The following CMTM6 variants were observed in gnomAD, a reference collection of about 807,000 sequenced individuals.
The protein encoded by CMTM6 is CKLF-like MARVEL transmembrane domain-containing protein 6.
CMTM6 carries 5 observed loss-of-function variants against 13.6 expected under a neutral mutation model. The observed-to-expected ratio is 0.37, with a 90% confidence interval of 0.19 to 0.77. The LOEUF is 0.77. CMTM6 is among the 30% of genes least tolerant of loss of function. CMTM6 has a pLI of 0.50. For synonymous variants in CMTM6, 99 were observed against 84.5 expected (o/e 1.17, Z -0.94); for missense variants, 196 against 218.6 (o/e 0.90, Z 0.65).
At chr3:32,485,819 TATC>T (rs1697198565) in intron 3 of CMTM6, among the ~76,000 whole-genome samples, 1 of 152,262 alleles carries the variant, frequency 6.6e-6, no homozygotes, top group Admixed American at 6.5e-5. Flanking sequence ...TTGAGTTTTC[TATC>T]ATAAAATGCA....
intron 3 of CMTM6, among the ~76,000 whole-genome samples, chr3:32,485,783 T>C (rs1697198014): frequency 6.6e-6 from 1 of 152,234 alleles, no homozygotes; most frequent in Admixed American, 6.5e-5. Flanking sequence ...TAGATAAATA[T>C]AGCCATGCAA....
intron 1 of CMTM6, among the ~76,000 whole-genome samples, chr3:32,501,350 G>A (rs1697343335): frequency 1.3e-5 from 2 of 152,160 alleles, no homozygotes; most frequent in Non-Finnish European, 2.9e-5. Context: ...AAGGAAGAAG[G>A]TAGAAGGAAC....
chr3:32,490,242 C>CA (rs567802958), intron 2 of CMTM6, among the ~76,000 whole-genome samples: 263 of 114,492 alleles, frequency 2.3e-3, no homozygotes, highest in Admixed American at 2.9e-3. Flanking sequence ...CAAGACTTCT[C>CA]AAAAAAAAAA....
At chr3:32,501,849 T>C (rs1431345138) in intron 1 of CMTM6, among the ~76,000 whole-genome samples, 2 of 152,218 alleles carry the variant, frequency 1.3e-5, no homozygotes, top group Non-Finnish European at 2.9e-5. Flanking sequence ...GAACAGTACA[T>C]AGGAGCCAAC....
intron 2 of CMTM6, chr3:32,488,310 C>T (rs1697222305): frequency 4.9e-6 from 1 of 203,974 alleles, no homozygotes; most frequent in Non-Finnish European, 9.6e-6. Context: ...GGAGAGGTGG[C>T]ATGAGCCTGT....
chr3:32,485,099 T>C (rs1697191606), intron 3 of CMTM6, among the ~76,000 whole-genome samples: 1 of 151,870 alleles, frequency 6.6e-6, no homozygotes, highest in East Asian at 1.9e-4. Flanking sequence ...TTGATGGCAT[T>C]TATCCCCTTA....
intron 1 of CMTM6, among the ~76,000 whole-genome samples, chr3:32,499,328 T>C (rs1395536474): frequency 6.6e-6 from 1 of 152,176 alleles, no homozygotes; most frequent in Admixed American, 6.5e-5. Flanking sequence ...AGGGTAACAT[T>C]ATTTATAATG....
rs1262413875 is a variant in CMTM6, at chr3:32,495,959, G to C, written c.139-4073C>G. ...TAATCCCAGCACTCTGGGAGGCCAA[G>C]GCGGGCAGATCACTTGAGGCCTTCT... On this transcript the variant is annotated intron_variant, in intron 1 of 3. Coordinates refer to ENST00000205636, the MANE Select transcript of CMTM6 (RefSeq NM_017801.3). Among the ~76,000 whole-genome samples the C allele has an allele frequency of 2.0e-5, 3 of 152,180 alleles. No individual in the cohort carries two copies. The South Asian group carries it at 6.2e-4, about 32-fold the overall frequency.
chr3:32,488,214 T>TA (rs1209496676), intron 2 of CMTM6, 178 bp from the exon 3 acceptor site: 23 of 537,840 alleles, frequency 4.3e-5, no homozygotes, highest in East Asian at 6.0e-5. Flanking sequence ...AAATACCCTG[T>TA]AAAAAAACAG....
At chr3:32,485,266 A>G (rs926626797) in intron 3 of CMTM6, among the ~76,000 whole-genome samples, 2 of 152,054 alleles carry the variant, frequency 1.3e-5, no homozygotes, top group African/African-American at 4.8e-5. Flanking sequence ...ATTTAAGTCT[A>G]TAAAACTTTT....
intron 3 of CMTM6, 46 bp from the exon 4 acceptor site, chr3:32,484,143 A>C (rs1481812022): frequency 7.1e-7 from 1 of 1,404,296 alleles, no homozygotes; most frequent in South Asian, 1.6e-5. Context: ...TTTGGAATAT[A>C]ATCTTACATT....
At chr3:32,498,990 T>C (rs1442803449) in intron 1 of CMTM6, among the ~76,000 whole-genome samples, 1 of 152,226 alleles carries the variant, frequency 6.6e-6, no homozygotes, top group Non-Finnish European at 1.5e-5. Context: ...TAAAAAGAAC[T>C]TTTAAATGTT....
intron 1 of CMTM6, among the ~76,000 whole-genome samples, chr3:32,501,296 C>T (rs1355063489): frequency 3.3e-5 from 5 of 151,414 alleles, no homozygotes; most frequent in African/African-American, 1.2e-4. Flanking sequence ...ACAGCTAATA[C>T]CTAAAAATCA....
rs762726629 is a variant in CMTM6 at position 32,502,764 on chromosome 3, G to C, written c.-19C>G. Reference sequence around the variant, plus strand: ...TCTCCATCGCCTCGGGCCGGGGAGCGCGGCGGCCGCAGCAACCGCGCCGTT... The same window carrying C: ...TCTCCATCGCCTCGGGCCGGGGAGCCCGGCGGCCGCAGCAACCGCGCCGTT... On this transcript the variant is annotated 5_prime_UTR_variant, in exon 1 of 4. Coordinates refer to ENST00000205636, the MANE Select transcript of CMTM6 (RefSeq NM_017801.3). 7.1e-7 allele frequency: 1 copy of C among 1,410,594 alleles called. No homozygotes were observed. The highest frequency in any genetic ancestry group is 9.2e-7 in the Non-Finnish European group (1 of 1,082,208). 87.4% of individuals were successfully genotyped at this position (1,410,594 alleles called of 1,614,324 possible). A position where few individuals can be genotyped will look rare whatever the true frequency, so the allele number is the denominator to read the frequency against.
At chr3:32,485,714 T>C (rs554030412) in intron 3 of CMTM6, among the ~76,000 whole-genome samples, 7 of 152,336 alleles carry the variant, frequency 4.6e-5, no homozygotes, top group Admixed American at 1.3e-4. Context: ...TCAGTGTTAA[T>C]TTTATTTCTA....
At chr3:32,493,852 T>C (rs1196940178) in intron 1 of CMTM6, among the ~76,000 whole-genome samples, 2 of 152,058 alleles carry the variant, frequency 1.3e-5, no homozygotes, top group Non-Finnish European at 1.5e-5. Context: ...TATAAGAAGG[T>C]TGCCAGTGAC....
At chr3:32,491,925 CA>C (rs1280454167) in intron 1 of CMTM6, 39 bp from the exon 2 acceptor site, 14 of 1,520,324 alleles carry the variant, frequency 9.2e-6, no homozygotes, top group Non-Finnish European at 1.2e-5. Context: ...AGTGTTTTTT[CA>C]GAGAATCTAC....
At position 32,500,564 on chromosome 3, in the gene CMTM6, A is replaced by AT. The variant is rs538534616; in HGVS notation, c.138+2043dup. 2.5e-4 allele frequency among the ~76,000 whole-genome samples: 38 copies of AT among 152,314 alleles called. No individual in the cohort carries two copies. In the South Asian group the frequency reaches 5.0e-3, roughly 20 times the overall value. ...ATTTCATAAAGAGATATTAGTTTTTATTTTTTCTCCATTTCTTCTTATGAA... is the reference window on the plus strand; with the variant it reads ...ATTTCATAAAGAGATATTAGTTTTTATTTTTTTCTCCATTTCTTCTTATGAA... On this transcript the variant is annotated intron_variant, in intron 1 of 3. Transcript: ENST00000205636.
intron 2 of CMTM6, among the ~76,000 whole-genome samples, chr3:32,491,488 A>C (rs555333547): frequency 6.6e-6 from 1 of 152,320 alleles, no homozygotes; most frequent in South Asian, 2.1e-4. Flanking sequence ...CAATAACTGT[A>C]AACTATTGGC....
Sources: gnomAD v4.1 joint callset for allele counts (sites outside exome capture counted in the v4.1 genomes callset) on GRCh38, gnomAD v4.1.1 for gene constraint, MANE v1.5 for transcripts, NCBI Gene and HGNC (gene_info 2026-07-23, HGNC 2026-07-21) for gene names.